EIF4E3: variants seen among roughly 807,000 people sequenced by gnomAD.
The protein encoded by EIF4E3 is eukaryotic translation initiation factor 4E family member 3.
Under a neutral mutation model 31.7 loss-of-function variants are expected in EIF4E3, and 26 were observed. That is an observed-to-expected ratio of 0.82 (90% CI 0.60 to 1.14). The LOEUF is 1.14. EIF4E3 is among the 50% of genes most tolerant of loss of function. EIF4E3 has a pLI of 0.00. For synonymous variants in EIF4E3, 128 were observed against 107.7 expected, an observed-to-expected ratio of 1.19 and a Z score of -1.17; for missense variants, 304 against 270.9, an observed-to-expected ratio of 1.12 and a Z score of -0.86.
At chr3:71,706,311 T>C (rs1212056222) in intron 2 of EIF4E3, among the ~76,000 whole-genome samples, 4 of 152,118 alleles carry the variant, frequency 2.6e-5, no homozygotes, top group African/African-American at 9.7e-5. Flanking sequence ...CCAGCCTCAG[T>C]CTCCTCAACT....
chr3:71,749,683 T>C (rs1202292625), intron 1 of EIF4E3, among the ~76,000 whole-genome samples: 2 of 151,936 alleles, frequency 1.3e-5, no homozygotes, highest in Non-Finnish European at 2.9e-5. Context: ...AGAAGTGACA[T>C]AAATGATTTG....
chr3:71,677,325 A>G lies in EIF4E3; in HGVS notation c.*7357T>C, dbSNP rs1248820794. ...AAGAACCATCGTCTTGTAGGATTCC[A>G]GAGATTTTTTTATGCATTCATTAAC... On this transcript the variant is annotated 3_prime_UTR_variant, in exon 7 of 7. Transcript: ENST00000425534. 6.6e-6 allele frequency: 1 copy of G among 152,184 alleles called. No individual in the cohort carries two copies. The highest frequency in any genetic ancestry group is 6.5e-5 in the Admixed American group (1 of 15,272). The allele number at this position is 152,184 out of a possible 1,614,324, so 9.4% of individuals were successfully genotyped here.
chr3:71,746,412 TA>T (rs1259648114), intron 1 of EIF4E3, among the ~76,000 whole-genome samples: 1 of 152,250 alleles, frequency 6.6e-6, no homozygotes, highest in Non-Finnish European at 1.5e-5. Context: ...CAGGTTTACC[TA>T]AACATCAAAG....
chr3:71,662,618 G>A, the EIF4E3 span, among the ~76,000 whole-genome samples: 1 of 152,198 alleles, frequency 6.6e-6, no homozygotes, highest in Non-Finnish European at 1.5e-5. Flanking sequence ...GGTAGAAGAA[G>A]AAAGAAGGCA....
intron 1 of EIF4E3, among the ~76,000 whole-genome samples, chr3:71,718,806 G>T (rs1021784556): frequency 2.6e-5 from 4 of 152,194 alleles, no homozygotes; most frequent in Non-Finnish European, 5.9e-5. Flanking sequence ...CTATGTCAGG[G>T]CCTTGCCCTG....
intron 1 of EIF4E3, among the ~76,000 whole-genome samples, chr3:71,722,953 A>G (rs1196081051): frequency 6.6e-6 from 1 of 152,224 alleles, no homozygotes; most frequent in Non-Finnish European, 1.5e-5. Context: ...CCATTTTACA[A>G]TGAAAGTGAG....
intron 3 of EIF4E3, 31 bp downstream of exon 3, chr3:71,699,583 C>A (rs1200957890): frequency 6.3e-7 from 1 of 1,591,306 alleles, no homozygotes; most frequent in African/African-American, 1.3e-5. Flanking sequence ...TTCCTCCCAC[C>A]TTGACCTTAA....
the EIF4E3 span, among the ~76,000 whole-genome samples, chr3:71,664,022 T>G: frequency 5.1e-3 from 779 of 151,784 alleles, 7 homozygotes; most frequent in African/African-American, 0.018. Flanking sequence ...CCTGGGAAGG[T>G]CCCTCCCCTG....
chr3:71,740,747 C>G (rs946427368), intron 1 of EIF4E3, among the ~76,000 whole-genome samples: 1 of 152,016 alleles, frequency 6.6e-6, no homozygotes, highest in Non-Finnish European at 1.5e-5. Flanking sequence ...AACAACAAAA[C>G]GAAACAACCA....
chr3:71,753,331 C>T (rs1004144191), intron 1 of EIF4E3: 16 of 152,338 alleles, frequency 1.1e-4, no homozygotes, highest in African/African-American at 3.9e-4. Flanking sequence ...TTACTCCCAG[C>T]TTTCGGGCAG....
intron 2 of EIF4E3, among the ~76,000 whole-genome samples, chr3:71,707,844 G>GGTTCATTT (rs1330591945): frequency 6.6e-6 from 1 of 150,870 alleles, no homozygotes; most frequent in African/African-American, 2.4e-5. Flanking sequence ...TCAGGAAAGT[G>GGTTCATTT]GTTCATTTAT....
rs112695085 is a variant in EIF4E3, at chr3:71,716,943, G to T, written c.177-6459C>A. Reference sequence around the variant, plus strand: ...TTCCCCATTAAACCCCACTTTTAAAGATATAATTGCTGCAGCCTAAGCTCA... The same window carrying T: ...TTCCCCATTAAACCCCACTTTTAAATATATAATTGCTGCAGCCTAAGCTCA... On this transcript the variant is annotated intron_variant, in intron 1 of 6. Transcript: ENST00000425534. 2.3e-3 allele frequency among the ~76,000 whole-genome samples: 354 copies of T among 152,302 alleles called. 1 individual carries two copies. The highest frequency in any genetic ancestry group is 7.7e-3 in the African/African-American group (322 of 41,566).
At chr3:71,673,156 C>T (rs537526860), downstream of EIF4E3, among the ~76,000 whole-genome samples, 6 of 152,202 alleles carry the variant, frequency 3.9e-5, no homozygotes, top group South Asian at 1.0e-3. Context: ...AGGTAGTGGC[C>T]GCAAGATATT....
At chr3:71,710,679 A>G (rs1454244782) in intron 1 of EIF4E3, among the ~76,000 whole-genome samples, 195 bp from the exon 2 acceptor site, 2 of 152,216 alleles carry the variant, frequency 1.3e-5, no homozygotes, top group Non-Finnish European at 2.9e-5. Context: ...CTTCTTCTAA[A>G]AATCAGCAGA....
chr3:71,693,750 A>T, intron 5 of EIF4E3, 125 bp downstream of exon 5: 2 of 886,926 alleles, frequency 2.3e-6, no homozygotes, highest in Non-Finnish European at 1.6e-6. Context: ...GTAACTTTGT[A>T]GTTCCAAAAT....
At chr3:71,708,715 A>C (rs944513829) in intron 2 of EIF4E3, among the ~76,000 whole-genome samples, 1 of 152,160 alleles carries the variant, frequency 6.6e-6, no homozygotes, top group Non-Finnish European at 1.5e-5. Flanking sequence ...CCTTTACATG[A>C]GGACAGGCCT....
intron 1 of EIF4E3, among the ~76,000 whole-genome samples, chr3:71,749,699 T>TG (rs766687147): frequency 1.7e-4 from 26 of 150,170 alleles, no homozygotes; most frequent in Non-Finnish European, 3.0e-4. Context: ...ATTTGGGGAG[T>TG]GGGGGTGGGA....
intron 1 of EIF4E3, among the ~76,000 whole-genome samples, chr3:71,715,780 T>C (rs1462114128): frequency 6.6e-6 from 1 of 152,242 alleles, no homozygotes; most frequent in Non-Finnish European, 1.5e-5. Context: ...TTATTAACCA[T>C]GTATTATATG....
At chr3:71,754,725 G>A (rs747921549), upstream of EIF4E3, 16 of 1,469,806 alleles carry the variant, frequency 1.1e-5, no homozygotes, top group Non-Finnish European at 1.3e-5. The surrounding 1 kb of genome is among the most constrained non-coding windows in gnomAD (Gnocchi z 5.8). Flanking sequence ...CGTCAGCCAC[G>A]ACTGGACCTT....
Sources: allele counts gnomAD v4.1 joint callset (sites outside exome capture counted in the v4.1 genomes callset), GRCh38; gene constraint gnomAD v4.1.1; non-coding constraint Gnocchi (gnomAD v3.1); transcripts MANE v1.5; gene names NCBI Gene and HGNC (gene_info 2026-07-23, HGNC 2026-07-21).